Variants in OR2G6 observed in about 807,000 individuals in gnomAD.
OR2G6 encodes the protein olfactory receptor 2G6.
For missense variants in OR2G6, 457 were observed against 391.3 expected, an observed-to-expected ratio of 1.17 and a Z score of -1.42; for synonymous variants, 183 against 155.2, an observed-to-expected ratio of 1.18 and a Z score of -1.33.
Position 248,522,315 on chromosome 1 carries a change from A to T in OR2G6, c.669A>T (p.Gln223His). 6.2e-7 allele frequency: 1 copy of T among 1,614,128 alleles called. No homozygotes were observed. Among genetic ancestry groups the T allele is most frequent in the Non-Finnish European group, 8.5e-7 (1 of 1,180,018 alleles). The change falls in exon 2 of 2, where the codon CAA (glutamine) becomes CAT (histidine). Residue 223 changes from glutamine (Q) to histidine (H), a missense_variant. Physicochemically the swap from Gln to His is conservative, Grantham distance 24 (BLOSUM62 0). Coordinates refer to ENST00000641804, the MANE Select transcript of OR2G6 (RefSeq NM_001013355.2). ...LILVSYGFIT[Q>H]AVLRIKSAAG... ...TAGTCTCCTATGGCTTTATCACTCAAGCTGTGTTAAGGATAAAATCAGCTG... is the reference window on the plus strand; with the variant it reads ...TAGTCTCCTATGGCTTTATCACTCATGCTGTGTTAAGGATAAAATCAGCTG...
intron 1 of OR2G6, among the ~76,000 whole-genome samples, chr1:248,521,042 A>G (rs1452103103): frequency 1.2e-5 from 1 of 81,290 alleles, no homozygotes; most frequent in Non-Finnish European, 2.4e-5. Context: ...ATTCCATCTA[A>G]AAAAAAAAAA....
rs913457485 is a variant in OR2G6, at chr1:248,519,311, C to G, written c.-36-2300C>G. On this transcript the variant is annotated intron_variant, in intron 1 of 1. Transcript: ENST00000641804. ...TGCCTGTTCACTATGATGATAGTTTCCTTTGCTGCACAGAAGCTCTTTAAT... is the reference window on the plus strand; with the variant it reads ...TGCCTGTTCACTATGATGATAGTTTGCTTTGCTGCACAGAAGCTCTTTAAT... Among the ~76,000 whole-genome samples the G allele has an allele frequency of 9.5e-5, 13 of 137,154 alleles. No homozygotes were observed. In the East Asian group the frequency reaches 2.6e-3, roughly 28 times the overall value. 90.0% of individuals were successfully genotyped at this position (137,154 alleles called of 152,430 possible). A position where few individuals can be genotyped will look rare whatever the true frequency, so the allele number is the denominator to read the frequency against.
intron 1 of OR2G6, among the ~76,000 whole-genome samples, chr1:248,521,380 T>C (rs1447328049): frequency 6.6e-6 from 1 of 152,146 alleles, no homozygotes; most frequent in African/African-American, 2.4e-5. Flanking sequence ...TAAATACAAA[T>C]ATCAAATAAA....
intron 1 of OR2G6, among the ~76,000 whole-genome samples, chr1:248,520,284 G>A (rs1221613399): frequency 6.6e-6 from 1 of 152,100 alleles, no homozygotes; most frequent in Non-Finnish European, 1.5e-5. Flanking sequence ...GTGGGTTGGG[G>A]GGCTAGGAAG....
rs1269508953 is a variant in OR2G6 at position 248,522,203 on chromosome 1, A to G, written c.557A>G (p.Lys186Arg). Residue 186 changes from lysine to arginine, a missense_variant, in exon 2 of 2, where the codon AAA becomes AGA. Transcript: ENST00000641804. The stretch of plus-strand genomic sequence containing the variant: ...TTCTGTGAGGTGCCAGTGCTCATCA[A>G]ACTGGCCTGTGTGGATACGACTTTC... The part of the protein sequence containing the change: ...HIFCEVPVLI[K>R]LACVDTTFNE... The G allele has an allele frequency of 1.9e-6, 3 of 1,613,972 alleles. No individual in the cohort carries two copies. Among genetic ancestry groups the G allele is most frequent in the African/African-American group, 2.7e-5 (2 of 74,874 alleles).
Position 248,522,129 on chromosome 1 carries a change from C to G in OR2G6, c.483C>G (p.Ser161=), listed in dbSNP as rs1353546962. The part of the protein sequence containing the change: ...SGLITSLIQC[S]LTVQLPLCGH... ...TCATCACCTCCCTAATTCAGTGCTC[C>G]CTCACTGTGCAGCTGCCCCTCTGTG... The change falls in exon 2 of 2, where the codon TCC becomes TCG. Residue 161 remains serine (S), a synonymous_variant. Transcript: ENST00000641804. The G allele has an allele frequency of 1.2e-6, 2 of 1,612,250 alleles. No individual in the cohort carries two copies. The highest frequency in any genetic ancestry group is 4.5e-5 in the East Asian group (2 of 44,886).
rs370143527 is a variant in OR2G6 at position 248,522,011 on chromosome 1, G to A, written c.365G>A (p.Arg122His). ...CILLAVMAYD[R>H]YAAVCRPLRY... ...CTCTTGGCCGTCATGGCTTATGACC[G>A]CTATGCTGCTGTCTGCCGGCCACTG... Residue 122 changes from arginine (R) to histidine (H), a missense_variant, in exon 2 of 2, where the codon CGC becomes CAC. Transcript: ENST00000641804. 1.5e-5 allele frequency: 25 copies of A among 1,614,036 alleles called. No homozygotes were observed. Among genetic ancestry groups the A allele is most frequent in the African/African-American group, 5.3e-5 (4 of 74,916 alleles).
intron 1 of OR2G6, among the ~76,000 whole-genome samples, chr1:248,521,410 T>C (rs1417636755): frequency 6.6e-6 from 1 of 152,166 alleles, no homozygotes; most frequent in Admixed American, 6.6e-5. Flanking sequence ...AATACAATAC[T>C]TTTGTTGTTT....
At chr1:248,520,107 C>A (rs534389297) in intron 1 of OR2G6, among the ~76,000 whole-genome samples, 26 of 152,294 alleles carry the variant, frequency 1.7e-4, no homozygotes, top group East Asian at 1.3e-3. Context: ...GAAAAGGATG[C>A]ATTCATGTCC....
chr1:248,522,842 T>G lies in OR2G6; in HGVS notation c.*245T>G, dbSNP rs1321045558. On this transcript the variant is annotated 3_prime_UTR_variant, in exon 2 of 2. Coordinates refer to ENST00000641804, the MANE Select transcript of OR2G6 (RefSeq NM_001013355.2). The stretch of plus-strand genomic sequence containing the variant: ...AGAAGAGAAACACACCAAAGCAGCA[T>G]GAGGGTTCATCCTCCCAGACATTCC... The G allele has an allele frequency of 4.3e-6, 2 of 465,656 alleles. No individual in the cohort carries two copies. Among genetic ancestry groups the G allele is most frequent in the East Asian group, 6.9e-5 (2 of 29,098 alleles). The allele number at this position is 465,656 out of a possible 1,614,324, so 28.8% of individuals were successfully genotyped here. A position where few individuals can be genotyped will look rare whatever the true frequency, so the allele number is the denominator to read the frequency against.
In OR2G6 at chr1:248,521,688, C is replaced by T; in HGVS notation, c.42C>T (p.Leu14=). The change falls in exon 2 of 2, where the codon CTC becomes CTT. Residue 14 remains leucine (L), a synonymous_variant. Coordinates refer to ENST00000641804, the MANE Select transcript of OR2G6 (RefSeq NM_001013355.2). ...TNNSSEKGFL[L]LGFSDQPQLE... is the part of the protein sequence containing the mutation. ...ACAGCTCTGAAAAGGGATTTCTTCT[C>T]CTGGGATTTTCAGATCAGCCTCAGC... 1 of 1,614,000 alleles carries T rather than the reference C, an allele frequency of 6.2e-7. No homozygotes were observed. Among genetic ancestry groups the T allele is most frequent in the Middle Eastern group, 1.6e-4 (1 of 6,062 alleles).
In OR2G6 at chr1:248,526,241, G is replaced by A. The variant is rs1664394983; in HGVS notation, c.*3644G>A. 6.6e-6 allele frequency: 1 copy of A among 152,062 alleles called. No individual in the cohort carries two copies. The highest frequency in any genetic ancestry group is 2.1e-4 in the South Asian group (1 of 4,828). The allele number at this position is 152,062 out of a possible 1,614,324, so 9.4% of individuals were successfully genotyped here. On this transcript the variant is annotated 3_prime_UTR_variant, in exon 2 of 2. Coordinates refer to ENST00000641804, the MANE Select transcript of OR2G6 (RefSeq NM_001013355.2). ...CAAGTTATAGTTACCAAAACAGCCT[G>A]GTATTGGCATAAAAACAGACACATG...
chr1:248,521,795 G>C lies in OR2G6; in HGVS notation c.149G>C (p.Cys50Ser), dbSNP rs373197039. The change falls in exon 2 of 2, where the codon TGT becomes TCT. Residue 50 changes from cysteine (C) to serine (S), a missense_variant. By Grantham distance (112) the Cys-to-Ser change is moderately radical. Transcript: ENST00000641804. The part of the protein sequence containing the change: ...LGNTALILVC[C>S]LDSRLHTPMY... ...AACACTGCCCTCATACTAGTATGTT[G>C]TCTGGACTCCAGACTCCACACTCCA... 1 of 1,613,932 alleles carries C rather than the reference G, an allele frequency of 6.2e-7. No individual in the cohort carries two copies. Among genetic ancestry groups the C allele is most frequent in the Non-Finnish European group, 8.5e-7 (1 of 1,180,002 alleles).
In OR2G6 at chr1:248,522,599, A is replaced by C. The variant is rs1240501824; in HGVS notation, c.*2A>C. On this transcript the variant is annotated 3_prime_UTR_variant, in exon 2 of 2. Transcript: ENST00000641804. ...GCTGGACAAAGCCACAAGGACTAGG[A>C]AACACCTGGAATTCTAAACAAGGGA... 2 of 1,583,150 alleles carry C rather than the reference A, an allele frequency of 1.3e-6. No homozygotes were observed. The highest frequency in any genetic ancestry group is 1.8e-5 in the Admixed American group (1 of 55,850).
chr1:248,521,186 GTACTC>G (rs1266367223), intron 1 of OR2G6, among the ~76,000 whole-genome samples: 2 of 151,832 alleles, frequency 1.3e-5, no homozygotes, highest in Admixed American at 6.6e-5. Flanking sequence ...TCACGGCACT[GTACTC>G]TAGTCCAGGC....
In OR2G6 at chr1:248,525,518, T is replaced by C. The variant is rs1261097953; in HGVS notation, c.*2921T>C. 2 of 151,986 alleles carry C rather than the reference T, an allele frequency of 1.3e-5. No individual in the cohort carries two copies. The highest frequency in any genetic ancestry group is 3.9e-4 in the East Asian group (2 of 5,172). The allele number at this position is 151,986 out of a possible 1,614,324, so 9.4% of individuals were successfully genotyped here. On this transcript the variant is annotated 3_prime_UTR_variant, in exon 2 of 2. Coordinates refer to ENST00000641804, the MANE Select transcript of OR2G6 (RefSeq NM_001013355.2). ...ATGAATTCATGAAAAACAAAAACCA[T>C]ATAGGACCACAGCTCAGAGAAGAAA...
rs370636108 is a variant in OR2G6 at position 248,522,347 on chromosome 1, G to A, written c.701G>A (p.Arg234His). 46 of 1,614,004 alleles carry A rather than the reference G, an allele frequency of 2.9e-5. No homozygotes were observed. The highest frequency in any genetic ancestry group is 2.0e-4 in the East Asian group (9 of 44,888). ...AVLRIKSAAG[R>H]QKAFGTCSSH... ...TTAAGGATAAAATCAGCTGCGGGCCGCCAAAAGGCCTTTGGGACCTGTTCG... is the reference window on the plus strand; with the variant it reads ...TTAAGGATAAAATCAGCTGCGGGCCACCAAAAGGCCTTTGGGACCTGTTCG... The change falls in exon 2 of 2, where the codon CGC becomes CAC. Residue 234 changes from arginine to histidine, a missense_variant. By Grantham distance (29) the Arg-to-His change is conservative. Transcript: ENST00000641804.
chr1:248,527,206 A>G lies in OR2G6; in HGVS notation c.*4609A>G, dbSNP rs1192294082. 1 of 152,206 alleles carries G rather than the reference A, an allele frequency of 6.6e-6. No individual in the cohort carries two copies. The highest frequency in any genetic ancestry group is 2.1e-4 in the South Asian group (1 of 4,828). The allele number at this position is 152,206 out of a possible 1,614,324, so 9.4% of individuals were successfully genotyped here. ...AAGGGATCCAGTTTCAGCTTTCTAC[A>G]TATGGCTAGTCAGTTTTCCCAGCAC... On this transcript the variant is annotated 3_prime_UTR_variant, in exon 2 of 2. Transcript: ENST00000641804.
chr1:248,523,029 C>CA lies in OR2G6; in HGVS notation c.*433dup, dbSNP rs1664323686. 1 of 165,058 alleles carries CA rather than the reference C, an allele frequency of 6.1e-6. No homozygotes were observed. Among genetic ancestry groups the CA allele is most frequent in the African/African-American group, 2.4e-5 (1 of 41,794 alleles). 10.2% of individuals were successfully genotyped at this position (165,058 alleles called of 1,614,324 possible). ...ACTCAGCTGAAATGTCACCTGCACT[C>CA]ACTAGCTGTCCTGAAACACCATCCT... On this transcript the variant is annotated 3_prime_UTR_variant, in exon 2 of 2. Coordinates refer to ENST00000641804, the MANE Select transcript of OR2G6 (RefSeq NM_001013355.2).
Sources: gnomAD v4.1 joint callset for allele counts (sites outside exome capture counted in the v4.1 genomes callset) on GRCh38, gnomAD v4.1.1 for gene constraint, MANE v1.5 for transcripts, NCBI Gene and HGNC (gene_info 2026-07-23, HGNC 2026-07-21) for gene names.